The following SIPA1L3 variants were observed in gnomAD, a reference collection of about 807,000 sequenced individuals.
SIPA1L3 encodes signal induced proliferation associated 1 like 3.
Under a neutral mutation model 150.1 loss-of-function variants are expected in SIPA1L3, and 59 were observed. The ratio of observed to expected loss-of-function variants is 0.39; its 90% CI spans 0.32 to 0.49. The LOEUF is 0.49. Among genes scored for constraint, SIPA1L3 ranks in the 20% least tolerant of loss-of-function variants. SIPA1L3 has a pLI of 0.86. For missense variants in SIPA1L3, 2,211 were observed against 2,489.5 expected (o/e 0.89, Z 2.38); for synonymous variants, 1,070 against 1,077.6 (o/e 0.99, Z 0.14).
In SIPA1L3 at chr19:38,074,390, C is replaced by T. The variant is rs151104630; in HGVS notation, c.-310-6866C>T. On this transcript the variant is annotated intron_variant, in intron 2 of 21. Transcript: ENST00000222345. ...TTGCATAAGCAAGTCAGGGTCGCAT[C>T]TGGGCCACTGGTTTTCCCAACCCAG... 7.9e-4 allele frequency among the ~76,000 whole-genome samples: 120 copies of T among 152,360 alleles called. 3 individuals carry two copies. The East Asian group carries it at 0.017, about 22-fold the overall frequency.
chr19:38,170,359 A>G (rs1202176331), intron 15 of SIPA1L3, among the ~76,000 whole-genome samples: 1 of 152,138 alleles, frequency 6.6e-6, no homozygotes, highest in Admixed American at 6.6e-5. Context: ...TCTGCCTCCC[A>G]TGGCGGCCAC....
At chr19:37,947,906 G>A (rs2046727279) in intron 1 of SIPA1L3, among the ~76,000 whole-genome samples, 1 of 152,174 alleles carries the variant, frequency 6.6e-6, no homozygotes, top group African/African-American at 2.4e-5. Context: ...TATGTTTTAG[G>A]CCTGTTCTCT....
chr19:37,973,919 G>A (rs1185131936), intron 1 of SIPA1L3, among the ~76,000 whole-genome samples: 3 of 152,142 alleles, frequency 2.0e-5, no homozygotes. Context: ...GATCACCCAA[G>A]GCAGAAGAGG....
At chr19:38,100,624 G>C (rs1405304644) in intron 5 of SIPA1L3, among the ~76,000 whole-genome samples, 1 of 152,178 alleles carries the variant, frequency 6.6e-6, no homozygotes, top group Non-Finnish European at 1.5e-5. Flanking sequence ...GGGGATCCGG[G>C]ATACCTAAAG....
Position 38,081,319 on chromosome 19 carries a change from G to A in SIPA1L3, c.-247G>A. The A allele has an allele frequency of 2.1e-6, 1 of 473,336 alleles. No individual in the cohort carries two copies. The highest frequency in any genetic ancestry group is 3.7e-6 in the Non-Finnish European group (1 of 268,652). The allele number at this position is 473,336 out of a possible 1,614,324, so 29.3% of individuals were successfully genotyped here. A position where few individuals can be genotyped will look rare whatever the true frequency, so the allele number is the denominator to read the frequency against. On this transcript the variant is annotated 5_prime_UTR_variant, in exon 3 of 22. Coordinates refer to ENST00000222345, the MANE Select transcript of SIPA1L3 (RefSeq NM_015073.3). ...GGCGACCACAGCTACTGCCTGCTCT[G>A]CGCTACTGAGCCACTCGGTCTGGAG...
At chr19:37,916,411 G>A (rs915095655) in intron 1 of SIPA1L3, among the ~76,000 whole-genome samples, 18 of 150,432 alleles carry the variant, frequency 1.2e-4, no homozygotes, top group African/African-American at 4.2e-4. Flanking sequence ...GAGGTGAGAG[G>A]ATCACTTGAG....
intron 8 of SIPA1L3, 26 bp from the exon 9 acceptor site, chr19:38,119,280 C>G (rs1019157430): frequency 6.3e-7 from 1 of 1,580,730 alleles, no homozygotes; most frequent in Admixed American, 1.8e-5. Context: ...TTCTTCCCAC[C>G]ATCTAAATAA....
chr19:38,124,450 C>T (rs1454416485), intron 9 of SIPA1L3, among the ~76,000 whole-genome samples: 4 of 150,964 alleles, frequency 2.6e-5, no homozygotes, highest in East Asian at 2.0e-4. Context: ...GGATGGCGGC[C>T]GGGAAGAGGC....
intron 8 of SIPA1L3, among the ~76,000 whole-genome samples, chr19:38,112,536 T>C (rs1970788582): frequency 6.6e-6 from 1 of 152,210 alleles, no homozygotes; most frequent in Non-Finnish European, 1.5e-5. Context: ...CAAACCTTTC[T>C]TGTTTTTTAT....
intron 19 of SIPA1L3, among the ~76,000 whole-genome samples, chr19:38,199,163 A>G (rs943428731): frequency 1.3e-5 from 2 of 151,678 alleles, no homozygotes; most frequent in Admixed American, 1.3e-4. Context: ...TTGCTCTGCC[A>G]CCCAGGGCCC....
chr19:38,000,269 C>T lies in SIPA1L3; in HGVS notation c.-378-28820C>T, dbSNP rs1967750307. Among the ~76,000 whole-genome samples, 4 of 151,638 alleles carry T rather than the reference C, an allele frequency of 2.6e-5. No homozygotes were observed. In the South Asian group the frequency reaches 8.3e-4, roughly 31 times the overall value. ...ATCACCTGAGGTCAGGAGTTTGACA[C>T]CAGCCTGGCCAACATGGTGAAACCC... On this transcript the variant is annotated intron_variant, in intron 1 of 21. Transcript: ENST00000222345.
chr19:38,205,228 G>A (rs1490485961), intron 21 of SIPA1L3, among the ~76,000 whole-genome samples: 3 of 152,046 alleles, frequency 2.0e-5, no homozygotes, highest in African/African-American at 7.2e-5. Context: ...CAGCACTTTG[G>A]GAGGCCGAGG....
In SIPA1L3 at chr19:38,164,562, C is replaced by T. The variant is rs1184512918; in HGVS notation, c.3864C>T (p.Phe1288=). The T allele has an allele frequency of 6.8e-6, 11 of 1,614,094 alleles. No individual in the cohort carries two copies. The highest frequency in any genetic ancestry group is 8.5e-6 in the Non-Finnish European group (10 of 1,180,002). The change falls in exon 15 of 22, where the codon TTC becomes TTT. Residue 1288 remains phenylalanine (F), a synonymous_variant. Coordinates refer to ENST00000222345, the MANE Select transcript of SIPA1L3 (RefSeq NM_015073.3). The surrounding 1 kb of genome is among the most constrained non-coding windows in gnomAD (Gnocchi z 4.1). ...ASSSHSDDRW[F]DPLDPLEPEQ... ...GCAGCCACAGCGACGACCGCTGGTT[C>T]GACCCCCTGGACCCCCTGGAGCCAG...
Position 38,119,585 on chromosome 19 carries a change from A to C in SIPA1L3, c.2571A>C (p.Thr857=), listed in dbSNP as rs1156334926. The change falls in exon 9 of 22, where the codon ACA becomes ACC. Residue 857 remains threonine (T), a synonymous_variant. Coordinates refer to ENST00000222345, the MANE Select transcript of SIPA1L3 (RefSeq NM_015073.3). ...ISLTSKKKEK[T]KARAGAEQHS... is the part of the protein sequence containing the mutation. ...TGACCTCCAAGAAGAAGGAAAAGACAAAAGCACGGGCTGGCGCTGAGCAGC... is the reference window on the plus strand; with the variant it reads ...TGACCTCCAAGAAGAAGGAAAAGACCAAAGCACGGGCTGGCGCTGAGCAGC... 6.2e-7 allele frequency: 1 copy of C among 1,614,128 alleles called. No homozygotes were observed. Among genetic ancestry groups the C allele is most frequent in the Non-Finnish European group, 8.5e-7 (1 of 1,180,046 alleles).
chr19:37,923,756 G>GTT (rs1240766723), intron 1 of SIPA1L3, among the ~76,000 whole-genome samples: 2 of 145,990 alleles, frequency 1.4e-5, no homozygotes, highest in Non-Finnish European at 3.0e-5. Flanking sequence ...AACTGTTTGG[G>GTT]TTTTTTTTTT....
chr19:37,926,885 C>T (rs1027593631), intron 1 of SIPA1L3, among the ~76,000 whole-genome samples: 20 of 152,104 alleles, frequency 1.3e-4, no homozygotes, highest in African/African-American at 3.6e-4. Context: ...CCGGGCCCTT[C>T]ACATGAAGCC....
chr19:38,145,034 G>A (rs1019381548), intron 12 of SIPA1L3, among the ~76,000 whole-genome samples: 3 of 152,186 alleles, frequency 2.0e-5, no homozygotes, highest in Admixed American at 6.6e-5. Context: ...GGGTGTGGGG[G>A]CACCCAGGTG....
At chr19:38,032,626 G>A (rs904874929) in intron 2 of SIPA1L3, among the ~76,000 whole-genome samples, 11 of 152,124 alleles carry the variant, frequency 7.2e-5, no homozygotes, top group Non-Finnish European at 1.5e-4. Context: ...GGTCACTTGC[G>A]GTCAGGAGTT....
chr19:38,067,544 C>T (rs1410433052), intron 2 of SIPA1L3, among the ~76,000 whole-genome samples: 1 of 152,090 alleles, frequency 6.6e-6, no homozygotes, highest in Admixed American at 6.6e-5. Flanking sequence ...GGGCAGATAA[C>T]CTGAGGTCAG....
Sources: gnomAD v4.1 joint callset for allele counts (sites outside exome capture counted in the v4.1 genomes callset) on GRCh38, gnomAD v4.1.1 for gene constraint, Gnocchi (gnomAD v3.1) non-coding constraint, MANE v1.5 for transcripts, NCBI Gene and HGNC (gene_info 2026-07-23, HGNC 2026-07-21) for gene names.